Variants in ANKS1B observed in about 807,000 individuals in gnomAD.
The protein encoded by ANKS1B is ankyrin repeat and sterile alpha motif domain-containing protein 1B.
In ANKS1B, 36 loss-of-function variants were observed where a neutral mutation model predicts 148.3. That is an observed-to-expected ratio of 0.24 (90% CI 0.19 to 0.32). The LOEUF (loss-of-function observed/expected upper bound fraction) is 0.32, where lower values mean the gene tolerates loss of function less well. ANKS1B is among the 10% of genes least tolerant of loss of function. The pLI is 1.00. For missense variants in ANKS1B, 1,157 were observed against 1,542.6 expected (o/e 0.75, Z 4.19); for synonymous variants, 542 against 560.8 (o/e 0.97, Z 0.47).
At chr12:99,373,510 A>G (rs2093248649) in intron 12 of ANKS1B, among the ~76,000 whole-genome samples, 2 of 152,262 alleles carry the variant, frequency 1.3e-5, no homozygotes, top group South Asian at 4.1e-4. Context: ...GGTCCAATAC[A>G]GGCAAGTCAG....
intron 9 of ANKS1B, among the ~76,000 whole-genome samples, chr12:99,564,175 G>T (rs2097365174): frequency 6.6e-6 from 1 of 152,026 alleles, no homozygotes; most frequent in Non-Finnish European, 1.5e-5. Flanking sequence ...ATGTGAAATT[G>T]TTGAGCTCAC....
At chr12:99,539,832 C>A (rs1287887683) in intron 9 of ANKS1B, among the ~76,000 whole-genome samples, 1 of 151,906 alleles carries the variant, frequency 6.6e-6, no homozygotes, top group Non-Finnish European at 1.5e-5. Context: ...CTCTGCCTGC[C>A]ACAAAATGCT....
intron 8 of ANKS1B, among the ~76,000 whole-genome samples, chr12:99,691,401 G>T (rs2098678643): frequency 6.6e-6 from 1 of 152,144 alleles, no homozygotes; most frequent in African/African-American, 2.4e-5. Context: ...TTGTCAGGCT[G>T]CAAATTTTTC....
chr12:99,417,682 T>C (rs12313086), intron 11 of ANKS1B, among the ~76,000 whole-genome samples: 23,776 of 152,108 alleles, frequency 0.16, 2,227 homozygotes, highest in African/African-American at 0.26. Context: ...CATAAACAGG[T>C]ATGTCTTTCC....
At chr12:99,981,121 G>C (rs892706681) in intron 1 of ANKS1B, among the ~76,000 whole-genome samples, 1 of 151,998 alleles carries the variant, frequency 6.6e-6, no homozygotes, top group African/African-American at 2.4e-5. Context: ...AAGTGCTTTA[G>C]AGGTGCATGA....
chr12:99,438,769 T>C (rs1279396841), intron 11 of ANKS1B, among the ~76,000 whole-genome samples: 1 of 151,914 alleles, frequency 6.6e-6, no homozygotes, highest in Non-Finnish European at 1.5e-5. Flanking sequence ...ACATTGTAGT[T>C]AATGTTGAAA....
chr12:99,626,965 G>T (rs1342602211), intron 9 of ANKS1B, among the ~76,000 whole-genome samples: 4 of 152,010 alleles, frequency 2.6e-5, no homozygotes, highest in African/African-American at 9.7e-5. Flanking sequence ...CCATTCAAAG[G>T]ATATAATAAA....
intron 3 of ANKS1B, among the ~76,000 whole-genome samples, chr12:99,811,277 C>T (rs995574810): frequency 1.3e-5 from 2 of 151,854 alleles, no homozygotes; most frequent in Admixed American, 1.3e-4. Flanking sequence ...GCTAATTGTG[C>T]TTTATTAGAT....
rs184025033 is a variant in ANKS1B, at chr12:99,381,218, C to G, written c.1756+18413G>C. Reference sequence around the variant, plus strand: ...GTATCAAGCCACCCAGTTTGTGGTACTTTTTGTGGCATCCTTAAGAAACGA... The same window carrying G: ...GTATCAAGCCACCCAGTTTGTGGTAGTTTTTGTGGCATCCTTAAGAAACGA... On this transcript the variant is annotated intron_variant, in intron 12 of 26. Transcript: ENST00000683438. Among the ~76,000 whole-genome samples the G allele has an allele frequency of 2.3e-4, 35 of 152,296 alleles. No individual in the cohort carries two copies. The East Asian group carries it at 6.6e-3, about 29-fold the overall frequency.
At chr12:98,764,269 C>G (rs745432481) in intron 25 of ANKS1B, among the ~76,000 whole-genome samples, 3 of 152,178 alleles carry the variant, frequency 2.0e-5, no homozygotes, top group Non-Finnish European at 4.4e-5. Flanking sequence ...CTGTGTTACC[C>G]AGGCTGGAGT....
chr12:99,078,168 T>C (rs971325237), intron 16 of ANKS1B, among the ~76,000 whole-genome samples: 8 of 152,348 alleles, frequency 5.3e-5, no homozygotes, highest in Admixed American at 1.3e-4. Context: ...TGCTTTGATC[T>C]ATTTTCTTCG....
intron 9 of ANKS1B, among the ~76,000 whole-genome samples, chr12:99,580,239 C>A: frequency 6.6e-6 from 1 of 152,154 alleles, no homozygotes. Flanking sequence ...AATTACCTAC[C>A]AGGTACTATG....
chr12:99,635,094 A>T (rs1185179564), intron 9 of ANKS1B, among the ~76,000 whole-genome samples: 1 of 152,176 alleles, frequency 6.6e-6, no homozygotes, highest in Non-Finnish European at 1.5e-5. Flanking sequence ...GGCTACTATC[A>T]AAAAAGCTAA....
chr12:99,660,824 A>T (rs924425415), intron 8 of ANKS1B, among the ~76,000 whole-genome samples: 9 of 152,134 alleles, frequency 5.9e-5, no homozygotes, highest in African/African-American at 2.2e-4. Flanking sequence ...ATGATCCAAA[A>T]GGCTATGCAT....
chr12:99,566,100 A>G (rs969131508), intron 9 of ANKS1B, among the ~76,000 whole-genome samples: 2 of 152,120 alleles, frequency 1.3e-5, no homozygotes, highest in African/African-American at 4.8e-5. Context: ...CTATTTCTCA[A>G]TGCCATACTT....
At chr12:99,101,896 G>A (rs1321750228) in intron 15 of ANKS1B, among the ~76,000 whole-genome samples, 1 of 152,118 alleles carries the variant, frequency 6.6e-6, no homozygotes, top group African/African-American at 2.4e-5. Flanking sequence ...ACATGCTTAG[G>A]GGCCTGTGGA....
chr12:99,071,529 T>C (rs772207799), intron 16 of ANKS1B, among the ~76,000 whole-genome samples: 6 of 152,256 alleles, frequency 3.9e-5, no homozygotes, highest in Non-Finnish European at 8.8e-5. Context: ...ACTGCTCAGC[T>C]TCTCAGTTCA....
intron 9 of ANKS1B, among the ~76,000 whole-genome samples, chr12:99,646,945 T>G (rs760034740): frequency 3.6e-4 from 54 of 151,518 alleles, no homozygotes; most frequent in Non-Finnish European, 6.8e-4. Flanking sequence ...ATCAACAGTT[T>G]GAGGGTGAGT....
chr12:99,888,007 A>G (rs866797376), intron 1 of ANKS1B, among the ~76,000 whole-genome samples: 1 of 152,352 alleles, frequency 6.6e-6, no homozygotes, highest in African/African-American at 2.4e-5. Flanking sequence ...GAAAAACAGC[A>G]TATCTGCTCC....
Sources: allele counts gnomAD v4.1 joint callset (sites outside exome capture counted in the v4.1 genomes callset), GRCh38; gene constraint gnomAD v4.1.1; transcripts MANE v1.5; gene names NCBI Gene and HGNC (gene_info 2026-07-23, HGNC 2026-07-21).